ZNF528: variants seen among roughly 807,000 people sequenced by gnomAD.
ZNF528 encodes zinc finger protein 528.
In ZNF528, 9 loss-of-function variants were observed where a neutral mutation model predicts 13.3. That is an observed-to-expected ratio of 0.67 (90% confidence interval 0.41 to 1.18). ZNF528 has a LOEUF of 1.18. ZNF528 is among the 50% of genes most tolerant of loss of function. The pLI is 0.01. For missense variants in ZNF528, 858 were observed against 745.4 expected, an observed-to-expected ratio of 1.15 and a Z score of -1.76; for synonymous variants, 264 against 254.3, an observed-to-expected ratio of 1.04 and a Z score of -0.36.
chr19:52,406,716 C>A, intron 6 of ZNF528, 73 bp downstream of exon 6: 1 of 1,527,318 alleles, frequency 6.5e-7, no homozygotes. Context: ...CGCTGTCATC[C>A]AGGCTAGAGT....
In ZNF528 at chr19:52,415,258, G is replaced by A; in HGVS notation, c.406G>A (p.Glu136Lys). ...ERKISGCKHFEKPVSDNSSVS... is the reference protein window; with the variant it reads ...ERKISGCKHFKKPVSDNSSVS... ...GAAAATTTCTGGGTGTAAGCATTTTGAAAAACCCGTCAGTGACAATTCCTC... is the reference window on the plus strand; with the variant it reads ...GAAAATTTCTGGGTGTAAGCATTTTAAAAAACCCGTCAGTGACAATTCCTC... Residue 136 changes from glutamate to lysine, a missense_variant, in exon 7 of 7, where the codon GAA becomes AAA. By Grantham distance (56) the Glu-to-Lys change is moderately conservative. Coordinates refer to ENST00000360465, the MANE Select transcript of ZNF528 (RefSeq NM_032423.3). The A allele has an allele frequency of 1.9e-6, 3 of 1,613,964 alleles. No individual in the cohort carries two copies. The highest frequency in any genetic ancestry group is 2.5e-6 in the Non-Finnish European group (3 of 1,179,984).
At chr19:52,407,097 A>G (rs542454093) in intron 6 of ZNF528, among the ~76,000 whole-genome samples, 27 of 151,694 alleles carry the variant, frequency 1.8e-4, no homozygotes, top group Non-Finnish European at 3.5e-4. Context: ...GGTGTACGCC[A>G]CGATGCCTGG....
chr19:52,406,899 C>G (rs912832758), intron 6 of ZNF528: 5 of 415,436 alleles, frequency 1.2e-5, no homozygotes, highest in Non-Finnish European at 2.1e-5. Context: ...TGTGGGAAAA[C>G]CAAAGTTGAA....
chr19:52,416,982 G>A lies in ZNF528; in HGVS notation c.*243G>A, dbSNP rs1246920943. On this transcript the variant is annotated 3_prime_UTR_variant, in exon 7 of 7. Coordinates refer to ENST00000360465, the MANE Select transcript of ZNF528 (RefSeq NM_032423.3). ...ATAGAACACGATAGGATTTACACAA[G>A]AAGTAACTCTGTCTCTGGTTCTCTG... 2.1e-6 allele frequency: 1 copy of A among 472,666 alleles called. No homozygotes were observed. Among genetic ancestry groups the A allele is most frequent in the Non-Finnish European group, 3.8e-6 (1 of 265,990 alleles). 29.3% of individuals were successfully genotyped at this position (472,666 alleles called of 1,614,324 possible).
rs58110828 is a variant in ZNF528, at chr19:52,406,706, C to T, written c.271+63C>T. The T allele has an allele frequency of 1.8e-3, 2,782 of 1,551,258 alleles. 36 individuals carry two copies. The African/African-American group carries it at 0.032, about 18-fold the overall frequency. ...TTTTGTTTTTTGAGACAGGGTCTAA[C>T]GCTGTCATCCAGGCTAGAGTGCGGT... On this transcript the variant is annotated intron_variant, in intron 6 of 6. Transcript: ENST00000360465.
rs145693395 is a variant in ZNF528 at position 52,399,151 on chromosome 19, GA to G, written c.-137+539del. 4.1e-3 allele frequency among the ~76,000 whole-genome samples: 625 copies of G among 151,708 alleles called. 8 individuals are homozygous for G. The highest frequency in any genetic ancestry group is 0.014 in the African/African-American group (596 of 41,360). ...GAACAGAATCCTAGGGGAAAATAGA[GA>G]AAAAAAGAGCTAGGAAAAAAGATGA... is the stretch of plus-strand genomic sequence containing the variant. On this transcript the variant is annotated intron_variant, in intron 2 of 6. Coordinates refer to ENST00000360465, the MANE Select transcript of ZNF528 (RefSeq NM_032423.3).
intron 6 of ZNF528, among the ~76,000 whole-genome samples, chr19:52,409,370 A>G (rs1157822985): frequency 1.3e-5 from 2 of 148,658 alleles, no homozygotes; most frequent in Non-Finnish European, 3.0e-5. Context: ...CATGCATGAT[A>G]TTGGCTCACT....
intron 6 of ZNF528, 153 bp downstream of exon 6, chr19:52,406,796 C>A: frequency 9.5e-7 from 1 of 1,055,876 alleles, no homozygotes; most frequent in Non-Finnish European, 1.3e-6. Flanking sequence ...CTCGCTCTTC[C>A]AAAGTGTTGG....
At chr19:52,405,333 C>G (rs183559386) in intron 4 of ZNF528, among the ~76,000 whole-genome samples, 9 of 151,722 alleles carry the variant, frequency 5.9e-5, no homozygotes, top group Non-Finnish European at 1.5e-5. Context: ...GAGCTCAAGA[C>G]CAGCCTGAGC....
rs961207461 is a variant in ZNF528 at position 52,417,750 on chromosome 19, G to T, written c.*1011G>T. ...TTCTGCCTTAGCCTCCTAAGTAGCT[G>T]AGACTACAGACGTGCGCCACCACAC... On this transcript the variant is annotated 3_prime_UTR_variant, in exon 7 of 7. Transcript: ENST00000360465. 1.3e-5 allele frequency: 2 copies of T among 151,948 alleles called. No individual in the cohort carries two copies. The highest frequency in any genetic ancestry group is 6.6e-5 in the Admixed American group (1 of 15,246). The allele number at this position is 151,948 out of a possible 1,614,324, so 9.4% of individuals were successfully genotyped here.
chr19:52,413,398 G>A (rs543462493), intron 6 of ZNF528: 1 of 152,334 alleles, frequency 6.6e-6, no homozygotes, highest in Admixed American at 6.5e-5. Context: ...TAGAAGGCAC[G>A]TAGCACCGAA....
chr19:52,416,667 C>G lies in ZNF528; in HGVS notation c.1815C>G (p.Tyr605Ter). 1 of 1,613,980 alleles carries G rather than the reference C, an allele frequency of 6.2e-7. No individual in the cohort carries two copies. The change falls in exon 7 of 7, where the codon TAC (tyrosine) becomes TAG (stop). Residue 605 changes from tyrosine to a stop codon, truncating the protein, a stop_gained. Coordinates refer to ENST00000360465, the MANE Select transcript of ZNF528 (RefSeq NM_032423.3). LOFTEE classifies it low-confidence loss of function (END_TRUNC). ...HHRIHIGEKP[Y>*]KCTLCSKVFS... ...GAATTCACATTGGAGAGAAACCTTA[C>G]AAATGCACCCTGTGCAGTAAGGTCT... is the stretch of plus-strand genomic sequence containing the variant.
intron 2 of ZNF528, 145 bp downstream of exon 2, chr19:52,398,764 G>C (rs996452182): frequency 6.5e-6 from 2 of 307,848 alleles, no homozygotes; most frequent in Admixed American, 6.5e-5. Context: ...AGACAGAGGG[G>C]GGAGAGGAGG....
At chr19:52,414,928 G>C in intron 6 of ZNF528, 196 bp from the exon 7 acceptor site, 1 of 1,503,660 alleles carries the variant, frequency 6.7e-7, no homozygotes, top group African/African-American at 1.4e-5. Flanking sequence ...TAATTCTCTC[G>C]ACTCCTGCAG....
rs1489755769 is a variant in ZNF528, at chr19:52,405,940, T to TTC, written c.54_55dup (p.Gln19LeufsTer19). 36 of 1,611,730 alleles carry TTC rather than the reference T, an allele frequency of 2.2e-5. No homozygotes were observed. Among genetic ancestry groups the TTC allele is most frequent in the Non-Finnish European group, 3.1e-5 (36 of 1,178,376 alleles). ...GAAATTCATGGATGTGGCCATAGAG[T>TTC]TCTCTCAGGAAGAGTGGAAATGCCT... On this transcript the variant is annotated frameshift_variant, in exon 5 of 7. Transcript: ENST00000360465. LOFTEE classifies it high-confidence loss of function.
chr19:52,409,056 C>T (rs2058895852), intron 6 of ZNF528, among the ~76,000 whole-genome samples: 2 of 152,054 alleles, frequency 1.3e-5, no homozygotes, highest in Non-Finnish European at 2.9e-5. Context: ...GTGTAGTATT[C>T]TTCATTGCTG....
chr19:52,405,812 T>G, intron 4 of ZNF528, 95 bp from the exon 5 acceptor site: 1 of 1,526,580 alleles, frequency 6.6e-7, no homozygotes, highest in South Asian at 1.1e-5. Flanking sequence ...AGTGCTCACA[T>G]AAGTGGAGTC....
intron 6 of ZNF528, chr19:52,411,331 TAAAG>T (rs2058928395): frequency 6.6e-6 from 1 of 152,150 alleles, no homozygotes; most frequent in African/African-American, 2.4e-5. Context: ...AATGGTATAA[TAAAG>T]AAACAATCCT....
At chr19:52,401,839 A>C in intron 3 of ZNF528, 86 bp downstream of exon 3, 1 of 1,528,374 alleles carries the variant, frequency 6.5e-7, no homozygotes, top group Non-Finnish European at 8.8e-7. Context: ...GTAGAAAGTC[A>C]AAGTTTGAGG....
Sources: allele counts gnomAD v4.1 joint callset (sites outside exome capture counted in the v4.1 genomes callset), GRCh38; gene constraint gnomAD v4.1.1; transcripts MANE v1.5; gene names NCBI Gene and HGNC (gene_info 2026-07-23, HGNC 2026-07-21).